Variants in CSMD1 observed in about 807,000 individuals in gnomAD.
The protein encoded by CSMD1 is CUB and sushi domain-containing protein 1.
A neutral mutation model predicts 417.5 loss-of-function variants in CSMD1; 213 were observed. That is an observed-to-expected ratio of 0.51 (90% confidence interval 0.46 to 0.57). The LOEUF is 0.57. CSMD1 is among the 20% of genes least tolerant of loss of function. The pLI is 0.00. For synonymous variants in CSMD1, 2,862 were observed against 1,736.8 expected, an observed-to-expected ratio of 1.65 and a Z score of -16.11; for missense variants, 6,923 against 4,529.7, an observed-to-expected ratio of 1.53 and a Z score of -15.17.
chr8:3,895,821 C>T (rs930643191), intron 5 of CSMD1, among the ~76,000 whole-genome samples: 3 of 152,154 alleles, frequency 2.0e-5, no homozygotes, highest in African/African-American at 7.2e-5. Context: ...CAGTGTGAGC[C>T]ACAGCTCTGA....
At chr8:4,239,429 T>C (rs1435590774) in intron 3 of CSMD1, among the ~76,000 whole-genome samples, 1 of 152,142 alleles carries the variant, frequency 6.6e-6, no homozygotes, top group Non-Finnish European at 1.5e-5. Context: ...CTCGTCTTTC[T>C]CCTGGAGGCT....
At chr8:3,013,731 AC>A (rs1267522731) in intron 52 of CSMD1, among the ~76,000 whole-genome samples, 3 of 151,152 alleles carry the variant, frequency 2.0e-5, no homozygotes, top group African/African-American at 7.3e-5. Context: ...AGCCTGGGCA[AC>A]TGAGACTCCA....
intron 2 of CSMD1, among the ~76,000 whole-genome samples, chr8:4,579,351 C>CGT (rs777864977): frequency 9.9e-5 from 15 of 150,848 alleles, no homozygotes; most frequent in African/African-American, 3.4e-4. Context: ...TATACACACA[C>CGT]GTGTGTGTGT....
chr8:3,107,803 A>G lies in CSMD1; in HGVS notation c.6755-5T>C. ...GACATTTCTTGAGCTGAAATGCTAA[A>G]TGATTAATGGAAAGAATAATAATAA... is the stretch of plus-strand genomic sequence containing the variant. On this transcript the variant is annotated splice_polypyrimidine_tract_variant and splice_region_variant and intron_variant, in intron 44 of 69. Coordinates refer to ENST00000635120, the MANE Select transcript of CSMD1 (RefSeq NM_033225.6). The G allele has an allele frequency of 6.4e-7, 1 of 1,556,292 alleles. No individual in the cohort carries two copies. The highest frequency in any genetic ancestry group is 8.7e-7 in the Non-Finnish European group (1 of 1,147,288).
chr8:4,149,833 T>A (rs1436170549), intron 3 of CSMD1, among the ~76,000 whole-genome samples: 1 of 152,216 alleles, frequency 6.6e-6, no homozygotes, highest in Non-Finnish European at 1.5e-5. Context: ...TTTAATTGGT[T>A]CATTCTCTTT....
chr8:3,493,803 AGTTATACTG>A, intron 10 of CSMD1, 77 bp from the exon 11 acceptor site: 3 of 1,246,604 alleles, frequency 2.4e-6, no homozygotes, highest in Non-Finnish European at 3.4e-6. Flanking sequence ...GCAAATATCT[AGTTATACTG>A]TTAAATTTTG....
At chr8:3,073,340 T>C (rs1204684249) in intron 49 of CSMD1, among the ~76,000 whole-genome samples, 1 of 151,918 alleles carries the variant, frequency 6.6e-6, no homozygotes, top group Non-Finnish European at 1.5e-5. Flanking sequence ...AAAAAAAAAT[T>C]AGTGGAGAAA....
At chr8:3,591,294 C>G (rs1328774836) in intron 8 of CSMD1, among the ~76,000 whole-genome samples, 1 of 152,180 alleles carries the variant, frequency 6.6e-6, no homozygotes, top group Non-Finnish European at 1.5e-5. Flanking sequence ...ATGCTTAACA[C>G]TTCTGAAATT....
chr8:4,478,277 G>A (rs1185988956), intron 2 of CSMD1, among the ~76,000 whole-genome samples: 2 of 152,164 alleles, frequency 1.3e-5, no homozygotes, highest in Non-Finnish European at 2.9e-5. Flanking sequence ...TCCTAAGGTT[G>A]AAAATAGTAA....
In CSMD1 at chr8:4,199,622, G is replaced by T. The variant is rs114668550; in HGVS notation, c.416-167523C>A. On this transcript the variant is annotated intron_variant, in intron 3 of 69. Coordinates refer to ENST00000635120, the MANE Select transcript of CSMD1 (RefSeq NM_033225.6). ...ATTCCTCCTCAACGCCTTGCATTTTGCTTTGCATAAATAAAGACTTCAACC... is the reference window on the plus strand; with the variant it reads ...ATTCCTCCTCAACGCCTTGCATTTTTCTTTGCATAAATAAAGACTTCAACC... Among the ~76,000 whole-genome samples, 1,117 of 152,212 alleles carry T rather than the reference G, an allele frequency of 7.3e-3. 16 individuals are homozygous for T. Among genetic ancestry groups the T allele is most frequent in the African/African-American group, 0.026 (1,064 of 41,524 alleles).
intron 8 of CSMD1, among the ~76,000 whole-genome samples, chr8:3,612,898 G>A (rs115664835): frequency 1.3e-5 from 2 of 152,006 alleles, no homozygotes; most frequent in African/African-American, 2.4e-5. Flanking sequence ...GGAGCCCATA[G>A]TAAACAGAGG....
At chr8:4,348,712 G>A in intron 3 of CSMD1, among the ~76,000 whole-genome samples, 1 of 151,964 alleles carries the variant, frequency 6.6e-6, no homozygotes, top group East Asian at 1.9e-4. Context: ...TTTATACCAG[G>A]AGAATTTGAT....
intron 5 of CSMD1, among the ~76,000 whole-genome samples, chr8:3,824,450 C>G (rs1158234049): frequency 6.6e-6 from 1 of 152,160 alleles, no homozygotes; most frequent in Non-Finnish European, 1.5e-5. Flanking sequence ...ACTTTTCATT[C>G]TGCACCTCTG....
chr8:2,979,739 C>T (rs1053125223), intron 54 of CSMD1, among the ~76,000 whole-genome samples: 2 of 152,178 alleles, frequency 1.3e-5, no homozygotes, highest in African/African-American at 2.4e-5. Flanking sequence ...TTACAGTGTT[C>T]CCTTTTAGTG....
At chr8:3,968,240 T>C (rs564868652) in intron 5 of CSMD1, among the ~76,000 whole-genome samples, 6 of 152,056 alleles carry the variant, frequency 3.9e-5, no homozygotes, top group African/African-American at 1.4e-4. Flanking sequence ...CATAATCATA[T>C]TTCTCAATGT....
chr8:4,769,827 T>A (rs1796514771), intron 1 of CSMD1, among the ~76,000 whole-genome samples: 1 of 152,194 alleles, frequency 6.6e-6, no homozygotes, highest in Admixed American at 6.5e-5. Flanking sequence ...AAAAAGCTTA[T>A]GTTGTTGTTA....
At chr8:4,500,008 G>T (rs531861982) in intron 2 of CSMD1, among the ~76,000 whole-genome samples, 2 of 152,260 alleles carry the variant, frequency 1.3e-5, no homozygotes, top group African/African-American at 4.8e-5. Flanking sequence ...CCACAAGAGA[G>T]AAAGAAGCGG....
chr8:4,461,098 G>T (rs1035316814), intron 2 of CSMD1, among the ~76,000 whole-genome samples: 1 of 150,582 alleles, frequency 6.6e-6, no homozygotes, highest in Non-Finnish European at 1.5e-5. Flanking sequence ...ATGCAAGATA[G>T]GCTTAGCATC....
chr8:4,827,793 A>G (rs1044643850), intron 1 of CSMD1, among the ~76,000 whole-genome samples: 1 of 152,180 alleles, frequency 6.6e-6, no homozygotes, highest in African/African-American at 2.4e-5. Flanking sequence ...GCTCCTGCTT[A>G]AACCCCTGGA....
Sources: allele counts gnomAD v4.1 joint callset (sites outside exome capture counted in the v4.1 genomes callset), GRCh38; gene constraint gnomAD v4.1.1; transcripts MANE v1.5; gene names NCBI Gene and HGNC (gene_info 2026-07-23, HGNC 2026-07-21).